Variants in ARHGAP22 observed in about 807,000 individuals in gnomAD.
ARHGAP22 encodes Rho GTPase activating protein 22.
Under a neutral mutation model 59.1 loss-of-function variants are expected in ARHGAP22, and 48 were observed. The observed-to-expected ratio is 0.81, with a 90% CI of 0.64 to 1.03. The LOEUF (loss-of-function observed/expected upper bound fraction) is 1.03, where lower values mean the gene tolerates loss of function less well. Ranked by LOEUF, ARHGAP22 falls within the 50% of genes least tolerant of loss-of-function variation. The pLI, the probability that ARHGAP22 is intolerant of heterozygous loss-of-function variation, is 0.00. For missense variants in ARHGAP22, 1,015 were observed against 958.7 expected (o/e 1.06, Z -0.78); for synonymous variants, 445 against 416.4 (o/e 1.07, Z -0.84).
At chr10:48,453,898 T>G (rs865943333) in intron 7 of ARHGAP22, among the ~76,000 whole-genome samples, 190 bp downstream of exon 7, 1 of 152,192 alleles carries the variant, frequency 6.6e-6, no homozygotes, top group African/African-American at 2.4e-5. Context: ...CCCATGGGAC[T>G]GTAAGCTTCG....
At chr10:48,589,985 C>A (rs1222194542) in intron 1 of ARHGAP22, among the ~76,000 whole-genome samples, 5 of 152,066 alleles carry the variant, frequency 3.3e-5, no homozygotes, top group African/African-American at 1.2e-4. Flanking sequence ...ACACTGCACC[C>A]CACGGGCATG....
At chr10:48,579,185 C>T (rs954805879) in intron 2 of ARHGAP22, among the ~76,000 whole-genome samples, 8 of 151,456 alleles carry the variant, frequency 5.3e-5, no homozygotes, top group Admixed American at 1.3e-4. Context: ...TCTTAGGTTT[C>T]GGAAGTTATA....
intron 3 of ARHGAP22, among the ~76,000 whole-genome samples, chr10:48,527,928 G>C (rs1217368655): frequency 6.6e-6 from 1 of 152,194 alleles, no homozygotes; most frequent in Non-Finnish European, 1.5e-5. Context: ...GAACCAGGGG[G>C]TGGATATCCA....
chr10:48,543,720 T>C (rs913457932), intron 3 of ARHGAP22, among the ~76,000 whole-genome samples: 1 of 152,154 alleles, frequency 6.6e-6, no homozygotes, highest in African/African-American at 2.4e-5. Flanking sequence ...AGCACAGCTG[T>C]AAAGCGATGA....
At chr10:48,618,710 G>T (rs2061176041) in intron 1 of ARHGAP22, among the ~76,000 whole-genome samples, 1 of 151,984 alleles carries the variant, frequency 6.6e-6, no homozygotes, top group African/African-American at 2.4e-5. Flanking sequence ...CACAATGAAG[G>T]CCATATATGA....
intron 1 of ARHGAP22, among the ~76,000 whole-genome samples, chr10:48,612,608 G>A (rs3853123): frequency 0.45 from 69,125 of 152,030 alleles, 16,054 homozygotes; most frequent in Admixed American, 0.53. Context: ...CTGCTTTTAG[G>A]CTCTCTGTAG....
At chr10:48,611,574 T>C (rs78695159) in intron 1 of ARHGAP22, among the ~76,000 whole-genome samples, 1 of 152,186 alleles carries the variant, frequency 6.6e-6, no homozygotes, top group African/African-American at 2.4e-5. Flanking sequence ...TTTTAGAAAA[T>C]GATAAATCAC....
At chr10:48,571,507 G>A (rs1042110291) in intron 2 of ARHGAP22, among the ~76,000 whole-genome samples, 1 of 152,138 alleles carries the variant, frequency 6.6e-6, no homozygotes, top group Non-Finnish European at 1.5e-5. Flanking sequence ...AAAGCTTGGT[G>A]GGGCTTCCCC....
At chr10:48,458,490 C>T (rs978007752) in intron 5 of ARHGAP22, among the ~76,000 whole-genome samples, 11 of 152,034 alleles carry the variant, frequency 7.2e-5, no homozygotes, top group African/African-American at 2.4e-4. Flanking sequence ...GGGTGAGGCG[C>T]AGACGGCCTG....
At chr10:48,507,051 T>C (rs2052216638) in intron 3 of ARHGAP22, among the ~76,000 whole-genome samples, 1 of 152,176 alleles carries the variant, frequency 6.6e-6, no homozygotes, top group Admixed American at 6.5e-5. Flanking sequence ...AGCACTAATT[T>C]TGGAAAACAC....
chr10:48,485,226 G>C (rs1414055626), intron 3 of ARHGAP22, among the ~76,000 whole-genome samples: 1 of 151,814 alleles, frequency 6.6e-6, no homozygotes, highest in Non-Finnish European at 1.5e-5. Context: ...TCTTTTTCTA[G>C]TTTCTTCCAG....
intron 1 of ARHGAP22, among the ~76,000 whole-genome samples, chr10:48,632,376 T>G (rs550940168): frequency 6.6e-6 from 1 of 152,262 alleles, no homozygotes; most frequent in African/African-American, 2.4e-5. Flanking sequence ...GGGAGTTTTA[T>G]TGCAGCAGTT....
intron 4 of ARHGAP22, among the ~76,000 whole-genome samples, chr10:48,469,577 T>G (rs1208404824): frequency 6.6e-6 from 1 of 152,162 alleles, no homozygotes; most frequent in Non-Finnish European, 1.5e-5. Flanking sequence ...TCAGATCTAG[T>G]GGGTAGAATG....
At chr10:48,500,654 G>A (rs1394871770) in intron 3 of ARHGAP22, among the ~76,000 whole-genome samples, 4 of 152,162 alleles carry the variant, frequency 2.6e-5, no homozygotes, top group Non-Finnish European at 5.9e-5. Flanking sequence ...TTGCGAGGCT[G>A]AGGTGGGCGG....
chr10:48,512,112 A>G (rs2052833766), intron 3 of ARHGAP22, among the ~76,000 whole-genome samples: 1 of 152,236 alleles, frequency 6.6e-6, no homozygotes, highest in Non-Finnish European at 1.5e-5. Context: ...TTTGTATCTG[A>G]CCTTTAACTT....
chr10:48,459,644 T>A (rs760809421), intron 5 of ARHGAP22, 40 bp downstream of exon 5: 1 of 1,607,324 alleles, frequency 6.2e-7, no homozygotes, highest in Admixed American at 1.7e-5. Context: ...GCAGGAGGAA[T>A]GGACAAATGG....
At chr10:48,430,431 C>T in the ARHGAP22 span, 1 of 152,160 alleles carries the variant, frequency 6.6e-6, no homozygotes, top group Non-Finnish European at 1.5e-5. Context: ...ACTCACAAGG[C>T]ACATCGCAGT....
chr10:48,448,899 C>G (rs2045624817), intron 9 of ARHGAP22, among the ~76,000 whole-genome samples: 1 of 151,980 alleles, frequency 6.6e-6, no homozygotes. Context: ...CTGTGAGTCA[C>G]TTAATACTCA....
intron 1 of ARHGAP22, among the ~76,000 whole-genome samples, chr10:48,625,983 C>A (rs1321331636): frequency 6.6e-6 from 1 of 152,150 alleles, no homozygotes; most frequent in Non-Finnish European, 1.5e-5. Flanking sequence ...TATCTAGTCC[C>A]AAGAGAGACC....
Sources: gnomAD v4.1 joint callset for allele counts (sites outside exome capture counted in the v4.1 genomes callset) on GRCh38, gnomAD v4.1.1 for gene constraint, MANE v1.5 for transcripts, NCBI Gene and HGNC (gene_info 2026-07-23, HGNC 2026-07-21) for gene names.